The following ADAT1 variants were observed in gnomAD, a reference collection of about 807,000 sequenced individuals.
ADAT1 encodes adenosine deaminase tRNA specific 1, also known as tRNA-specific adenosine deaminase 1.
A neutral mutation model predicts 58.6 loss-of-function variants in ADAT1; 58 were observed. The ratio of observed to expected loss-of-function variants is 0.99; its 90% CI spans 0.80 to 1.23. ADAT1 has a LOEUF of 1.23. ADAT1 is among the 50% of genes most tolerant of loss of function. ADAT1 has a pLI of 0.00. For synonymous variants in ADAT1, 254 were observed against 220.8 expected (o/e 1.15, Z -1.33); for missense variants, 741 against 608.6 (o/e 1.22, Z -2.29).
At position 75,600,168 on chromosome 16, in the gene ADAT1, A is replaced by C. The variant is rs192344395; in HGVS notation, c.*48T>G. On this transcript the variant is annotated 3_prime_UTR_variant, in exon 10 of 10. Coordinates refer to ENST00000564657, the MANE Select transcript of ADAT1 (RefSeq NM_001324445.2). ...GCTAAGACTTGTCCTGCGTGGAGGA[A>C]GGCAGTTCAGGATGAAGGGTCCTGC... 1.2e-3 allele frequency: 1,952 copies of C among 1,608,914 alleles called. 1 individual carries two copies. The highest frequency in any genetic ancestry group is 4.6e-3 in the Middle Eastern group (28 of 6,044).
At position 75,620,811 on chromosome 16, in the gene ADAT1, G is replaced by T. The variant is rs748265276; in HGVS notation, c.-12C>A. Reference sequence around the variant, plus strand: ...TCCGCGGTCCACATGGTCTGAGCTGGTATTGAGACCTTGATCAAAAACCAC... The same window carrying T: ...TCCGCGGTCCACATGGTCTGAGCTGTTATTGAGACCTTGATCAAAAACCAC... On this transcript the variant is annotated 5_prime_UTR_variant, in exon 2 of 10. Coordinates refer to ENST00000564657, the MANE Select transcript of ADAT1 (RefSeq NM_001324445.2). 5.0e-6 allele frequency: 8 copies of T among 1,600,884 alleles called. No individual in the cohort carries two copies. The highest frequency in any genetic ancestry group is 6.8e-6 in the Non-Finnish European group (8 of 1,170,020).
At chr16:75,611,435 G>C (rs1353201491) in intron 6 of ADAT1, among the ~76,000 whole-genome samples, 2 of 152,128 alleles carry the variant, frequency 1.3e-5, no homozygotes, top group East Asian at 3.9e-4. Flanking sequence ...ACCCAGGCTG[G>C]AGTGCAGTGG....
intron 4 of ADAT1, 80 bp downstream of exon 4, chr16:75,618,506 C>CA: frequency 2.0e-6 from 2 of 989,490 alleles, no homozygotes; most frequent in Non-Finnish European, 2.9e-6. Context: ...ACTCTGTCCC[C>CA]CCCAAAAAAA....
intron 5 of ADAT1, among the ~76,000 whole-genome samples, chr16:75,614,626 C>A (rs1323364856): frequency 6.6e-6 from 1 of 152,202 alleles, no homozygotes; most frequent in Admixed American, 6.5e-5. Flanking sequence ...CAGGGTCCAT[C>A]TCCCACTCTG....
Position 75,608,987 on chromosome 16 carries a change from A to G in ADAT1, c.1045T>C (p.Cys349Arg). The G allele has an allele frequency of 1.2e-6, 2 of 1,614,074 alleles. No individual in the cohort carries two copies. The highest frequency in any genetic ancestry group is 2.7e-5 in the African/African-American group (2 of 75,056). ...EAMQRALIGRCQNVSALPKGF... is the reference protein window; with the variant it reads ...EAMQRALIGRRQNVSALPKGF... ...TTTGGTAAAGCAGACACATTCTGAC[A>G]CCTAAATACAAGGGAAAATGCATTC... Residue 349 changes from cysteine (C) to arginine (R), a missense_variant and splice_region_variant, in exon 7 of 10, where the codon TGT becomes CGT. Physicochemically the swap from Cys to Arg is radical, Grantham distance 180. Transcript: ENST00000564657.
chr16:75,600,170 G>A lies in ADAT1; in HGVS notation c.*46C>T, dbSNP rs1381180384. The stretch of plus-strand genomic sequence containing the variant: ...TAAGACTTGTCCTGCGTGGAGGAAG[G>A]CAGTTCAGGATGAAGGGTCCTGCTA... On this transcript the variant is annotated 3_prime_UTR_variant, in exon 10 of 10. Coordinates refer to ENST00000564657, the MANE Select transcript of ADAT1 (RefSeq NM_001324445.2). 2 of 1,608,966 alleles carry A rather than the reference G, an allele frequency of 1.2e-6. No individual in the cohort carries two copies. The highest frequency in any genetic ancestry group is 1.7e-6 in the Non-Finnish European group (2 of 1,176,222).
rs900838321 is a variant in ADAT1, at chr16:75,598,191, C to G, written c.*2025G>C. On this transcript the variant is annotated 3_prime_UTR_variant, in exon 10 of 10. Transcript: ENST00000564657. ...TCCTGGGTTTGAGAGATTCTTCTGC[C>G]TCAGCCTCCTGAGTAGTTGGGACTA... 1.1e-4 allele frequency: 28 copies of G among 256,934 alleles called. No individual in the cohort carries two copies. The highest frequency in any genetic ancestry group is 2.4e-5 in the Non-Finnish European group (3 of 125,432). 15.9% of individuals were successfully genotyped at this position (256,934 alleles called of 1,614,324 possible). A position where few individuals can be genotyped will look rare whatever the true frequency, so the allele number is the denominator to read the frequency against.
intron 4 of ADAT1, 43 bp from the exon 5 acceptor site, chr16:75,617,315 G>A: frequency 6.3e-7 from 1 of 1,594,856 alleles, no homozygotes; most frequent in Non-Finnish European, 8.6e-7. Flanking sequence ...ACCGATCTCT[G>A]TGGTAAGGGG....
chr16:75,601,802 T>C (rs1028065786), intron 9 of ADAT1: 5 of 152,156 alleles, frequency 3.3e-5, no homozygotes, highest in Non-Finnish European at 7.3e-5. Context: ...ATATAGAATA[T>C]ATGGAAACCC....
intron 6 of ADAT1, among the ~76,000 whole-genome samples, chr16:75,611,300 T>C (rs528162332): frequency 1.3e-5 from 2 of 152,228 alleles, no homozygotes; most frequent in Non-Finnish European, 2.9e-5. Context: ...ATTTTTCTTA[T>C]GTGTGGATGT....
Position 75,601,363 on chromosome 16 carries a change from C to A in ADAT1, c.1377-1015G>T, listed in dbSNP as rs377339663. On this transcript the variant is annotated intron_variant, in intron 9 of 9. Coordinates refer to ENST00000564657, the MANE Select transcript of ADAT1 (RefSeq NM_001324445.2). ...TCTCAAAAAAAAAAAAATACAGTAACTACTAGTTATCAAAACCCTACTACA... is the reference window on the plus strand; with the variant it reads ...TCTCAAAAAAAAAAAAATACAGTAAATACTAGTTATCAAAACCCTACTACA... Among the ~76,000 whole-genome samples, 20 of 151,876 alleles carry A rather than the reference C, an allele frequency of 1.3e-4. No homozygotes were observed. The South Asian group carries it at 4.2e-3, about 32-fold the overall frequency.
rs2081165895 is a variant in ADAT1 at position 75,599,453 on chromosome 16, A to G, written c.*763T>C. ...ACCAACACAAACAGGCTTAATCAAAATAACAACAGGAATCTGTCTCACATA... is the reference window on the plus strand; with the variant it reads ...ACCAACACAAACAGGCTTAATCAAAGTAACAACAGGAATCTGTCTCACATA... On this transcript the variant is annotated 3_prime_UTR_variant, in exon 10 of 10. Transcript: ENST00000564657. The G allele has an allele frequency of 1.0e-6, 1 of 985,874 alleles. No homozygotes were observed. The highest frequency in any genetic ancestry group is 1.2e-6 in the Non-Finnish European group (1 of 829,936). The allele number at this position is 985,874 out of a possible 1,614,324, so 61.1% of individuals were successfully genotyped here. A position where few individuals can be genotyped will look rare whatever the true frequency, so the allele number is the denominator to read the frequency against.
chr16:75,599,962 T>G lies in ADAT1; in HGVS notation c.*254A>C. ...CATCATGTTCCAAACTCTGATTTCA[T>G]ATTTTAGAGAAGCAATAAAACACAA... On this transcript the variant is annotated 3_prime_UTR_variant, in exon 10 of 10. Transcript: ENST00000564657. The G allele has an allele frequency of 1.6e-6, 2 of 1,215,182 alleles. No individual in the cohort carries two copies. Among genetic ancestry groups the G allele is most frequent in the Non-Finnish European group, 2.1e-6 (2 of 972,662 alleles). The allele number at this position is 1,215,182 out of a possible 1,614,324, so 75.3% of individuals were successfully genotyped here.
In ADAT1 at chr16:75,600,229, T is replaced by C. The variant is rs1397696180; in HGVS notation, c.1496A>G (p.His499Arg). 6.2e-7 allele frequency: 1 copy of C among 1,614,082 alleles called. No homozygotes were observed. The highest frequency in any genetic ancestry group is 8.5e-7 in the Non-Finnish European group (1 of 1,180,020). The stretch of plus-strand genomic sequence containing the variant: ...AACATTTCCTTCTCACTTGAACTGG[T>C]GATAATCCGGTGGGTTTCTGATCCA... ...GSWIRNPPDY[H>R]QFK is the part of the protein sequence containing the mutation. Residue 499 changes from histidine (H) to arginine (R), a missense_variant, in exon 10 of 10, where the codon CAC becomes CGC. Coordinates refer to ENST00000564657, the MANE Select transcript of ADAT1 (RefSeq NM_001324445.2).
In ADAT1 at chr16:75,599,538, C is replaced by T. The variant is rs1441992270; in HGVS notation, c.*678G>A. On this transcript the variant is annotated 3_prime_UTR_variant, in exon 10 of 10. Transcript: ENST00000564657. ...ATTCTCTTGGCTGTTTCCTTTGTTG[C>T]CTTCATTCTTTGCTGGCTTTCTCTA... 1 of 985,866 alleles carries T rather than the reference C, an allele frequency of 1.0e-6. No homozygotes were observed. Among genetic ancestry groups the T allele is most frequent in the Non-Finnish European group, 1.2e-6 (1 of 829,954 alleles). The allele number at this position is 985,866 out of a possible 1,614,324, so 61.1% of individuals were successfully genotyped here.
At position 75,617,175 on chromosome 16, in the gene ADAT1, G is replaced by A. The variant is rs762451594; in HGVS notation, c.391C>T (p.Leu131Phe). ...TGGCTGGAGAAAAACACAAAAATGAGGTCTCGTCTAAGTTTCCACACTCCT... is the reference window on the plus strand; with the variant it reads ...TGGCTGGAGAAAAACACAAAAATGAAGTCTCGTCTAAGTTTCCACACTCCT... Reference protein sequence around the residue: ...QKGVWKLRRDLIFVFFSSHTP... With the variant: ...QKGVWKLRRDFIFVFFSSHTP... The change falls in exon 5 of 10, where the codon CTC (leucine) becomes TTC (phenylalanine). Residue 131 changes from leucine (L) to phenylalanine (F), a missense_variant. Leu to Phe is a conservative substitution (Grantham distance 22, BLOSUM62 0). Transcript: ENST00000564657. The A allele has an allele frequency of 3.7e-6, 6 of 1,613,670 alleles. No homozygotes were observed. Among genetic ancestry groups the A allele is most frequent in the Non-Finnish European group, 5.1e-6 (6 of 1,179,638 alleles).
Position 75,612,713 on chromosome 16 carries a change from A to G in ADAT1, c.573T>C (p.Ser191=). The G allele has an allele frequency of 6.2e-7, 1 of 1,613,948 alleles. No individual in the cohort carries two copies. Among genetic ancestry groups the G allele is most frequent in the Non-Finnish European group, 8.5e-7 (1 of 1,180,010 alleles). The part of the protein sequence containing the change: ...GNERKCEDPD[S]PVTKKMRLEP... The stretch of plus-strand genomic sequence containing the variant: ...CAAGCCTCATCTTTTTGGTTACAGG[A>G]CTGTCAGGGTCTTCACATTTTCTTT... The change falls in exon 6 of 10, where the codon AGT becomes AGC. Residue 191 remains serine, a synonymous_variant. Coordinates refer to ENST00000564657, the MANE Select transcript of ADAT1 (RefSeq NM_001324445.2).
At chr16:75,618,556 C>A (rs1031937104) in intron 4 of ADAT1, 30 bp downstream of exon 4, 3 of 1,501,102 alleles carry the variant, frequency 2.0e-6, no homozygotes, top group Admixed American at 2.1e-5. Context: ...CCCAGTCCTG[C>A]TGAACCATAC....
Position 75,612,822 on chromosome 16 carries a change from T to C in ADAT1, c.464A>G (p.Asp155Gly). Residue 155 changes from aspartate (D) to glycine (G), a missense_variant, in exon 6 of 10, where the codon GAT becomes GGT. Physicochemically the swap from Asp to Gly is moderately conservative, Grantham distance 94. Transcript: ENST00000564657. ...TCTGAAGACAGGACAGCAAGGCTGA[T>C]CTTCAAACTCAAGCATCGGAATGAT... Reference protein sequence around the residue: ...ASIIPMLEFEDQPCCPVFRNW... With the variant: ...ASIIPMLEFEGQPCCPVFRNW... 6.2e-7 allele frequency: 1 copy of C among 1,613,926 alleles called. No individual in the cohort carries two copies. Among genetic ancestry groups the C allele is most frequent in the Non-Finnish European group, 8.5e-7 (1 of 1,179,986 alleles).
Sources: allele counts gnomAD v4.1 joint callset (sites outside exome capture counted in the v4.1 genomes callset), GRCh38; gene constraint gnomAD v4.1.1; transcripts MANE v1.5; gene names NCBI Gene and HGNC (gene_info 2026-07-23, HGNC 2026-07-21).